TBC1D2B: variants seen among roughly 807,000 people sequenced by gnomAD.
TBC1D2B encodes the protein TBC1 domain family member 2B.
In TBC1D2B, 64 loss-of-function variants were observed where a neutral mutation model predicts 100.8. The ratio of observed to expected loss-of-function variants is 0.64; its 90% CI spans 0.52 to 0.78. TBC1D2B has a LOEUF of 0.78. Ranked by LOEUF, TBC1D2B falls within the 30% of genes least tolerant of loss-of-function variation. The pLI is 0.00. For missense variants in TBC1D2B, 1,052 were observed against 1,218.4 expected, an observed-to-expected ratio of 0.86 and a Z score of 2.03; for synonymous variants, 480 against 479.7, an observed-to-expected ratio of 1.00 and a Z score of -0.01.
chr15:78,039,989 C>T (rs558523075), intron 3 of TBC1D2B, among the ~76,000 whole-genome samples: 41 of 152,336 alleles, frequency 2.7e-4, no homozygotes, highest in African/African-American at 8.9e-4. Context: ...CAGAGATGGG[C>T]GCACAGTCCA....
intron 11 of TBC1D2B, among the ~76,000 whole-genome samples, chr15:78,002,175 G>GA: frequency 6.6e-6 from 1 of 152,092 alleles, no homozygotes; most frequent in Middle Eastern, 3.4e-3. Flanking sequence ...TAGCGAAGGA[G>GA]TTTTTTTTAA....
At chr15:78,034,586 G>GT in intron 3 of TBC1D2B, 2 of 985,062 alleles carry the variant, frequency 2.0e-6, no homozygotes, top group Non-Finnish European at 2.4e-6. Flanking sequence ...AGAGAGAACA[G>GT]TAATTTCAGT....
intron 9 of TBC1D2B, among the ~76,000 whole-genome samples, chr15:78,011,199 C>A (rs2072213623): frequency 6.6e-6 from 1 of 152,198 alleles, no homozygotes; most frequent in South Asian, 2.1e-4. Flanking sequence ...ATCCTCACCA[C>A]CACAGAGACA....
chr15:78,015,185 C>T (rs900245462), intron 8 of TBC1D2B, among the ~76,000 whole-genome samples: 4 of 151,692 alleles, frequency 2.6e-5, no homozygotes, highest in East Asian at 1.9e-4. Flanking sequence ...TGGGCAACAG[C>T]GCGAGACTCT....
intron 11 of TBC1D2B, 32 bp from the exon 12 acceptor site, chr15:78,001,772 A>G (rs776364379): frequency 5.7e-6 from 9 of 1,581,734 alleles, no homozygotes; most frequent in African/African-American, 5.4e-5. Flanking sequence ...CTGTTAGTGG[A>G]AAAACCCTGT....
chr15:78,034,002 G>A (rs1381451418), intron 3 of TBC1D2B, among the ~76,000 whole-genome samples: 1 of 152,210 alleles, frequency 6.6e-6, no homozygotes, highest in African/African-American at 2.4e-5. Context: ...AATTATGCCT[G>A]TTTAGAACTG....
intron 2 of TBC1D2B, among the ~76,000 whole-genome samples, chr15:78,047,630 A>T (rs4886553): frequency 0.62 from 94,263 of 151,926 alleles, 29,171 homozygotes; most frequent in Admixed American, 0.64. Flanking sequence ...GTTCCAGTAA[A>T]CAAAAGAAAA....
chr15:78,056,450 G>A (rs1412057664), intron 1 of TBC1D2B, among the ~76,000 whole-genome samples: 1 of 152,246 alleles, frequency 6.6e-6, no homozygotes, highest in African/African-American at 2.4e-5. Flanking sequence ...TGCATAGGAG[G>A]AGATTAGTTC....
intron 1 of TBC1D2B, among the ~76,000 whole-genome samples, chr15:78,076,293 G>A (rs1328113217): frequency 6.6e-6 from 1 of 152,118 alleles, no homozygotes. Flanking sequence ...AGGCATAACT[G>A]GCTGAAAAGA....
At chr15:78,002,973 A>C in intron 11 of TBC1D2B, 2 of 188,758 alleles carry the variant, frequency 1.1e-5, no homozygotes, top group Non-Finnish European at 2.2e-5. Flanking sequence ...TCCCCTGCTT[A>C]TTAGATCTCT....
intron 3 of TBC1D2B, among the ~76,000 whole-genome samples, chr15:78,042,147 G>A (rs1281419542): frequency 6.6e-6 from 1 of 152,188 alleles, no homozygotes; most frequent in Non-Finnish European, 1.5e-5. Context: ...GTGACAGGCA[G>A]AAGTGACAGG....
chr15:78,076,242 T>G (rs570123601), intron 1 of TBC1D2B, among the ~76,000 whole-genome samples: 1 of 152,312 alleles, frequency 6.6e-6, no homozygotes, highest in East Asian at 1.9e-4. Context: ...ATCTCTCATT[T>G]TGTCTGTCCA....
chr15:78,038,243 G>A (rs2072995080), intron 3 of TBC1D2B, among the ~76,000 whole-genome samples: 1 of 152,224 alleles, frequency 6.6e-6, no homozygotes, highest in African/African-American at 2.4e-5. Context: ...GCCCCATGGA[G>A]CTCCCAGCCT....
intron 2 of TBC1D2B, among the ~76,000 whole-genome samples, chr15:78,052,771 C>T (rs2073340984): frequency 2.0e-5 from 3 of 152,198 alleles, no homozygotes; most frequent in South Asian, 2.1e-4. Flanking sequence ...ACAGGGTTTC[C>T]AAATGTTCCA....
intron 1 of TBC1D2B, among the ~76,000 whole-genome samples, chr15:78,059,282 A>G (rs1426357554): frequency 6.6e-6 from 1 of 152,212 alleles, no homozygotes; most frequent in East Asian, 1.9e-4. Flanking sequence ...ACGATCCAAG[A>G]TGTCTTGCAC....
rs368714497 is a variant in TBC1D2B at position 78,056,686 on chromosome 15, C to CTTTTTTTTTTTT, written c.361-2511_361-2500dup. On this transcript the variant is annotated intron_variant, in intron 1 of 12. Coordinates refer to ENST00000300584, the MANE Select transcript of TBC1D2B (RefSeq NM_144572.2). ...AGCCCAAAGCCCACCCAGTCCTCCT[C>CTTTTTTTTTTTT]TTTTTTTTTTTTTTTTTTTTTTTTT... is the stretch of plus-strand genomic sequence containing the variant. Among the ~76,000 whole-genome samples, 9 of 112,900 alleles carry CTTTTTTTTTTTT rather than the reference C, an allele frequency of 8.0e-5. 1 individual carries two copies. Among genetic ancestry groups the CTTTTTTTTTTTT allele is most frequent in the African/African-American group, 2.8e-4 (7 of 25,254 alleles). The allele number at this position is 112,900 out of a possible 152,430, so 74.1% of individuals were successfully genotyped here.
At chr15:78,041,634 A>T (rs2073096654) in intron 3 of TBC1D2B, among the ~76,000 whole-genome samples, 1 of 152,242 alleles carries the variant, frequency 6.6e-6, no homozygotes, top group African/African-American at 2.4e-5. Context: ...GGGTCACTAA[A>T]GTCTGTCTGT....
At chr15:78,033,506 G>A (rs1166447656) in intron 3 of TBC1D2B, among the ~76,000 whole-genome samples, 1 of 152,192 alleles carries the variant, frequency 6.6e-6, no homozygotes, top group African/African-American at 2.4e-5. Context: ...GGTATTAAGG[G>A]AAGGGATCAA....
At chr15:78,025,003 C>G (rs912923757) in intron 5 of TBC1D2B, among the ~76,000 whole-genome samples, 2 of 152,172 alleles carry the variant, frequency 1.3e-5, no homozygotes, top group African/African-American at 4.8e-5. Flanking sequence ...GGCTGTGGTG[C>G]AGACAGCAAC....
Sources: allele counts gnomAD v4.1 joint callset (sites outside exome capture counted in the v4.1 genomes callset), GRCh38; gene constraint gnomAD v4.1.1; transcripts MANE v1.5; gene names NCBI Gene and HGNC (gene_info 2026-07-23, HGNC 2026-07-21).